Variants in ADNP2 observed in about 807,000 individuals in gnomAD.
ADNP2 encodes the protein activity-dependent neuroprotector homeobox protein 2.
In ADNP2, 8 loss-of-function variants were observed where a neutral mutation model predicts 16.4. The observed-to-expected ratio is 0.49, with a 90% CI of 0.29 to 0.88. The LOEUF (loss-of-function observed/expected upper bound fraction) is 0.88, where lower values mean the gene tolerates loss of function less well. ADNP2 is among the 40% of genes least tolerant of loss of function. The pLI is 0.09. For synonymous variants in ADNP2, 637 were observed against 545.8 expected (o/e 1.17, Z -2.33); for missense variants, 1,397 against 1,395.1 (o/e 1.00, Z -0.02).
rs901044287 is a variant in ADNP2 at position 80,135,406 on chromosome 18, G to A, written c.199-206G>A. On this transcript the variant is annotated intron_variant, in intron 3 of 3. Coordinates refer to ENST00000262198, the MANE Select transcript of ADNP2 (RefSeq NM_014913.4). Reference sequence around the variant, plus strand: ...GGCAGTGCTGAGTAGTTGCCACAGAGACTGTACTGTATGGCCCACAGTCCT... The same window carrying A: ...GGCAGTGCTGAGTAGTTGCCACAGAAACTGTACTGTATGGCCCACAGTCCT... Among the ~76,000 whole-genome samples, 7 of 152,322 alleles carry A rather than the reference G, an allele frequency of 4.6e-5. No individual in the cohort carries two copies. In the South Asian group the frequency reaches 1.2e-3, roughly 27 times the overall value.
chr18:80,134,294 G>A (rs1238877424), intron 3 of ADNP2, among the ~76,000 whole-genome samples: 4 of 152,052 alleles, frequency 2.6e-5, no homozygotes, highest in Non-Finnish European at 5.9e-5. Flanking sequence ...GGATGGCGTA[G>A]GTTGCAGTGA....
intron 3 of ADNP2, among the ~76,000 whole-genome samples, chr18:80,135,038 G>A (rs987334257): frequency 6.6e-6 from 1 of 152,304 alleles, no homozygotes; most frequent in South Asian, 2.1e-4. Flanking sequence ...GGATGAGGGG[G>A]AGAAAATAAC....
intron 2 of ADNP2, among the ~76,000 whole-genome samples, chr18:80,127,021 A>AG (rs1360922809): frequency 6.6e-6 from 1 of 152,242 alleles, no homozygotes; most frequent in African/African-American, 2.4e-5. Context: ...GGGTGAGCAC[A>AG]GGATGTAAGA....
intron 1 of ADNP2, among the ~76,000 whole-genome samples, chr18:80,116,219 A>G (rs1787851): frequency 2.0e-5 from 3 of 152,212 alleles, no homozygotes; most frequent in African/African-American, 7.2e-5. Flanking sequence ...TTTTATGGCC[A>G]AATAATCTAT....
chr18:80,135,398 G>T (rs1169946217), intron 3 of ADNP2, among the ~76,000 whole-genome samples: 1 of 152,168 alleles, frequency 6.6e-6, no homozygotes, highest in East Asian at 1.9e-4. Context: ...CTGAGTAGTT[G>T]CCACAGAGAC....
At chr18:80,120,406 C>G (rs1317698333) in intron 2 of ADNP2, among the ~76,000 whole-genome samples, 1 of 151,582 alleles carries the variant, frequency 6.6e-6, no homozygotes, top group Non-Finnish European at 1.5e-5. Flanking sequence ...ATCATGGCTC[C>G]CTGCAGCCTT....
intron 2 of ADNP2, among the ~76,000 whole-genome samples, chr18:80,125,539 T>A (rs947759875): frequency 4.6e-5 from 7 of 151,808 alleles, no homozygotes; most frequent in African/African-American, 1.5e-4. Context: ...GCTACTCAGG[T>A]GGCTGAGGCA....
At position 80,137,872 on chromosome 18, in the gene ADNP2, T is replaced by A; in HGVS notation, c.2459T>A (p.Phe820Tyr). 6.2e-7 allele frequency: 1 copy of A among 1,614,094 alleles called. No homozygotes were observed. Among genetic ancestry groups the A allele is most frequent in the Non-Finnish European group, 8.5e-7 (1 of 1,180,024 alleles). ...GTCGATGCCAATGGCAACCTGCTCT[T>A]TCCCCACCTTGATTTCATCACCATA... The part of the protein sequence containing the change: ...LDVDANGNLL[F>Y]PHLDFITILP... The change falls in exon 4 of 4, where the codon TTT becomes TAT. Residue 820 changes from phenylalanine (F) to tyrosine (Y), a missense_variant. Phe to Tyr is a conservative substitution (Grantham distance 22). Coordinates refer to ENST00000262198, the MANE Select transcript of ADNP2 (RefSeq NM_014913.4). This position sits in a 1 kb window ranked among gnomAD's most constrained non-coding sequence, Gnocchi z 4.2.
At chr18:80,120,830 T>C (rs1244010213) in intron 2 of ADNP2, among the ~76,000 whole-genome samples, 2 of 152,122 alleles carry the variant, frequency 1.3e-5, no homozygotes, top group African/African-American at 4.8e-5. Flanking sequence ...AATTTTTGTA[T>C]TTTTAGTAGA....
intron 2 of ADNP2, among the ~76,000 whole-genome samples, chr18:80,123,803 C>A (rs932394974): frequency 2.0e-5 from 3 of 151,734 alleles, no homozygotes; most frequent in Non-Finnish European, 4.4e-5. Context: ...GATCTCAGCT[C>A]ACTGCAACCT....
intron 2 of ADNP2, among the ~76,000 whole-genome samples, chr18:80,128,942 CTG>C (rs1323006670): frequency 4.6e-5 from 7 of 151,988 alleles, no homozygotes; most frequent in Non-Finnish European, 8.8e-5. Context: ...TTAGCTGTTT[CTG>C]TGTGTTTATT....
At chr18:80,126,025 G>A (rs1237514807) in intron 2 of ADNP2, among the ~76,000 whole-genome samples, 1 of 151,780 alleles carries the variant, frequency 6.6e-6, no homozygotes, top group South Asian at 2.1e-4. Context: ...GATATGGTTG[G>A]TTTTAAATCT....
intron 2 of ADNP2, among the ~76,000 whole-genome samples, chr18:80,124,337 G>T (rs1461425881): frequency 2.0e-5 from 3 of 152,104 alleles, no homozygotes; most frequent in Non-Finnish European, 4.4e-5. Context: ...CTGTGTTTCT[G>T]ACTGACTGGC....
intron 1 of ADNP2, among the ~76,000 whole-genome samples, chr18:80,111,841 G>C (rs1219032399): frequency 6.6e-6 from 1 of 151,804 alleles, no homozygotes; most frequent in Non-Finnish European, 1.5e-5. Context: ...CGTTGCACCC[G>C]GCCAACATTT....
intron 2 of ADNP2, among the ~76,000 whole-genome samples, chr18:80,126,606 CA>C (rs2145203330): frequency 6.6e-6 from 1 of 152,196 alleles, no homozygotes; most frequent in South Asian, 2.1e-4. Context: ...TTTTTTCCAA[CA>C]ATATGTTTTC....
chr18:80,128,657 G>T (rs1021020880), intron 2 of ADNP2, among the ~76,000 whole-genome samples: 16 of 152,036 alleles, frequency 1.1e-4, no homozygotes, highest in East Asian at 1.9e-4. Flanking sequence ...CTCAAAAAAA[G>T]AAATAAATAA....
intron 1 of ADNP2, among the ~76,000 whole-genome samples, chr18:80,113,493 C>G (rs2052370436): frequency 6.6e-6 from 1 of 151,962 alleles, no homozygotes; most frequent in Admixed American, 6.6e-5. Flanking sequence ...CCTTCTTTAC[C>G]TCAATAATTT....
Position 80,109,394 on chromosome 18 carries a change from C to T in ADNP2, c.-92C>T, listed in dbSNP as rs944642388. ...GGCGGGCGCAGGCGGCCCCACGGGACGCGGCTGCGCTCGGCGGAAGACGCG... is the reference window on the plus strand; with the variant it reads ...GGCGGGCGCAGGCGGCCCCACGGGATGCGGCTGCGCTCGGCGGAAGACGCG... On this transcript the variant is annotated 5_prime_UTR_variant, in exon 1 of 4. The change creates a new upstream start codon in the 5' untranslated region. Coordinates refer to ENST00000262198, the MANE Select transcript of ADNP2 (RefSeq NM_014913.4). 1 of 148,492 alleles carries T rather than the reference C, an allele frequency of 6.7e-6. No individual in the cohort carries two copies. The highest frequency in any genetic ancestry group is 2.4e-5 in the African/African-American group (1 of 41,064). The allele number at this position is 148,492 out of a possible 1,614,324, so 9.2% of individuals were successfully genotyped here.
chr18:80,114,572 A>C (rs901342270), intron 1 of ADNP2, among the ~76,000 whole-genome samples: 2 of 152,196 alleles, frequency 1.3e-5, no homozygotes, highest in African/African-American at 4.8e-5. Flanking sequence ...ACATTCTCCT[A>C]CATATCCATA....
Sources: allele counts gnomAD v4.1 joint callset (sites outside exome capture counted in the v4.1 genomes callset), GRCh38; gene constraint gnomAD v4.1.1; non-coding constraint Gnocchi (gnomAD v3.1); transcripts MANE v1.5; gene names NCBI Gene and HGNC (gene_info 2026-07-23, HGNC 2026-07-21).